The following LRFN5 variants were observed in gnomAD, a reference collection of about 807,000 sequenced individuals.
LRFN5 encodes leucine rich repeat and fibronectin type III domain containing 5, also known as leucine-rich repeat and fibronectin type-III domain-containing protein 5.
LRFN5 carries 24 observed loss-of-function variants against 45.6 expected under a neutral mutation model. The ratio of observed to expected loss-of-function variants is 0.53; its 90% CI spans 0.38 to 0.74. The LOEUF (loss-of-function observed/expected upper bound fraction) is 0.74. LRFN5 is among the 30% of genes least tolerant of loss of function. LRFN5 has a pLI of 0.00. For missense variants in LRFN5, 776 were observed against 861.5 expected (o/e 0.90, Z 1.24); for synonymous variants, 340 against 313.8 (o/e 1.08, Z -0.88).
At chr14:41,889,120 A>C (rs368708026) in intron 3 of LRFN5, among the ~76,000 whole-genome samples, 43 of 109,886 alleles carry the variant, frequency 3.9e-4, no homozygotes, top group East Asian at 2.3e-3. Flanking sequence ...GTCTCTATAT[A>C]TATATATATA....
At chr14:41,693,831 C>T (rs933030433) in intron 1 of LRFN5, among the ~76,000 whole-genome samples, 3 of 151,922 alleles carry the variant, frequency 2.0e-5, no homozygotes, top group East Asian at 1.9e-4. Context: ...AATAAATGCT[C>T]GCTTTGTTTA....
rs35648547 is a variant in LRFN5 at position 41,886,019 on chromosome 14, C to CAAAAAAA, written c.-20-572_-20-566dup. Reference sequence around the variant, plus strand: ...CTGGGCAACAAAGCAAGGCTCGTCTCAAAAAAAAAAAAAAAAAAAAATAGT... The same window carrying CAAAAAAA: ...CTGGGCAACAAAGCAAGGCTCGTCTCAAAAAAAAAAAAAAAAAAAAAAAAAAAATAGT... On this transcript the variant is annotated intron_variant, in intron 2 of 5. Transcript: ENST00000298119. Among the ~76,000 whole-genome samples, 188 of 88,762 alleles carry CAAAAAAA rather than the reference C, an allele frequency of 2.1e-3. 3 individuals are homozygous for CAAAAAAA. The highest frequency in any genetic ancestry group is 8.4e-3 in the African/African-American group (180 of 21,328). 58.2% of individuals were successfully genotyped at this position (88,762 alleles called of 152,430 possible).
chr14:41,624,943 G>C (rs554640269), intron 1 of LRFN5, among the ~76,000 whole-genome samples: 55 of 149,938 alleles, frequency 3.7e-4, no homozygotes, highest in African/African-American at 1.3e-3. Flanking sequence ...GCAAAGAGTT[G>C]ACTATTTCCA....
At chr14:41,732,144 C>A (rs192604587) in intron 1 of LRFN5, among the ~76,000 whole-genome samples, 1 of 152,252 alleles carries the variant, frequency 6.6e-6, no homozygotes, top group African/African-American at 2.4e-5. Context: ...TCCCCTGCAC[C>A]CAGTTCCAGG....
At chr14:41,667,889 A>G (rs1880980021) in intron 1 of LRFN5, among the ~76,000 whole-genome samples, 1 of 152,058 alleles carries the variant, frequency 6.6e-6, no homozygotes, top group Non-Finnish European at 1.5e-5. Flanking sequence ...ACATACAAGT[A>G]TTTTTCAGTG....
intron 1 of LRFN5, among the ~76,000 whole-genome samples, chr14:41,720,000 G>C (rs568744285): frequency 6.6e-6 from 1 of 151,910 alleles, no homozygotes; most frequent in Non-Finnish European, 1.5e-5. Flanking sequence ...TTAGATTCAA[G>C]GGGTACATGT....
intron 1 of LRFN5, among the ~76,000 whole-genome samples, chr14:41,668,029 C>A (rs1026124499): frequency 3.3e-5 from 5 of 152,074 alleles, no homozygotes; most frequent in Admixed American, 1.3e-4. Flanking sequence ...GAAGGTCGAA[C>A]CTTGTGCTTC....
At chr14:41,787,661 CTTG>C (rs529982421) in intron 2 of LRFN5, among the ~76,000 whole-genome samples, 176 of 151,594 alleles carry the variant, frequency 1.2e-3, no homozygotes, top group Middle Eastern at 0.01. Flanking sequence ...ATTTCATTTC[CTTG>C]TTGTCTAGTT....
rs1191848775 is a variant in LRFN5 at position 41,670,262 on chromosome 14, T to C, written c.-197+61700T>C. On this transcript the variant is annotated intron_variant, in intron 1 of 5. Transcript: ENST00000298119. ...ACACACACACATACACACAGATATA[T>C]ATATATATATATATATATATATATA... is the stretch of plus-strand genomic sequence containing the variant. Among the ~76,000 whole-genome samples, 7 of 11,374 alleles carry C rather than the reference T, an allele frequency of 6.2e-4. No individual in the cohort carries two copies. The East Asian group carries it at 0.061, about 99-fold the overall frequency. The allele number at this position is 11,374 out of a possible 152,430, so 7.5% of individuals were successfully genotyped here.
chr14:41,897,510 A>T (rs927844719), intron 4 of LRFN5, among the ~76,000 whole-genome samples: 5 of 152,134 alleles, frequency 3.3e-5, no homozygotes, highest in Non-Finnish European at 4.4e-5. Flanking sequence ...TTATATAGAC[A>T]TATAAATATT....
chr14:41,710,166 A>G (rs1802592739), intron 1 of LRFN5, among the ~76,000 whole-genome samples: 1 of 152,176 alleles, frequency 6.6e-6, no homozygotes, highest in South Asian at 2.1e-4. Context: ...AAGCAATAAT[A>G]TGAATGTATT....
At chr14:41,713,674 A>G (rs1883374523) in intron 1 of LRFN5, among the ~76,000 whole-genome samples, 1 of 152,136 alleles carries the variant, frequency 6.6e-6, no homozygotes, top group Non-Finnish European at 1.5e-5. Flanking sequence ...GAACGAAGTG[A>G]GATACCATTT....
At chr14:41,736,083 T>C (rs573713120) in intron 1 of LRFN5, among the ~76,000 whole-genome samples, 1 of 152,306 alleles carries the variant, frequency 6.6e-6, no homozygotes, top group South Asian at 2.1e-4. Flanking sequence ...CATGTGTCTT[T>C]ATAGTAGAAT....
intron 1 of LRFN5, among the ~76,000 whole-genome samples, chr14:41,756,457 T>C (rs1437912599): frequency 6.6e-6 from 1 of 152,196 alleles, no homozygotes; most frequent in Non-Finnish European, 1.5e-5. Flanking sequence ...GGAGGCTTTA[T>C]TCGTTTCTTT....
Position 41,655,549 on chromosome 14 carries a change from G to A in LRFN5, c.-197+46987G>A, listed in dbSNP as rs562488340. On this transcript the variant is annotated intron_variant, in intron 1 of 5. Coordinates refer to ENST00000298119, the MANE Select transcript of LRFN5 (RefSeq NM_152447.5). ...TGGTTAAGGCTTGTACTCTGTGTAG[G>A]ATGGGAAACCATTAGAAAGTTTTGA... is the stretch of plus-strand genomic sequence containing the variant. Among the ~76,000 whole-genome samples, 5 of 152,114 alleles carry A rather than the reference G, an allele frequency of 3.3e-5. No individual in the cohort carries two copies. In the South Asian group the frequency reaches 8.3e-4, roughly 25 times the overall value.
chr14:41,792,187 G>A (rs1017120423), intron 2 of LRFN5, among the ~76,000 whole-genome samples: 4 of 151,986 alleles, frequency 2.6e-5, no homozygotes, highest in African/African-American at 9.7e-5. Flanking sequence ...AAAAGGGGAT[G>A]GGGTGTAAAG....
intron 1 of LRFN5, among the ~76,000 whole-genome samples, chr14:41,761,774 TA>T (rs1885680652): frequency 6.6e-6 from 1 of 152,144 alleles, no homozygotes; most frequent in South Asian, 2.1e-4. Flanking sequence ...TTATTTGAAG[TA>T]TTTTTGTTAT....
intron 2 of LRFN5, among the ~76,000 whole-genome samples, chr14:41,859,438 C>T (rs1181824844): frequency 4.6e-5 from 7 of 152,124 alleles, no homozygotes. Flanking sequence ...GAGGAAAGAC[C>T]ATTAACCCTA....
intron 2 of LRFN5, among the ~76,000 whole-genome samples, chr14:41,784,408 AAC>A (rs1188206847): frequency 6.6e-6 from 1 of 151,836 alleles, no homozygotes; most frequent in African/African-American, 2.4e-5. Flanking sequence ...TTTTTAAAAA[AAC>A]ACAGTAATCA....
Sources: allele counts gnomAD v4.1 joint callset (sites outside exome capture counted in the v4.1 genomes callset), GRCh38; gene constraint gnomAD v4.1.1; transcripts MANE v1.5; gene names NCBI Gene and HGNC (gene_info 2026-07-23, HGNC 2026-07-21).